RAD50: variants seen among roughly 807,000 people sequenced by gnomAD.
The protein encoded by RAD50 is DNA repair protein RAD50.
RAD50 carries 132 observed loss-of-function variants against 168.8 expected under a neutral mutation model. The ratio of observed to expected loss-of-function variants is 0.78; its 90% CI spans 0.68 to 0.90. The LOEUF (loss-of-function observed/expected upper bound fraction) is 0.90, where lower values mean the gene tolerates loss of function less well. RAD50 is among the 40% of genes least tolerant of loss of function. The probability of loss-of-function intolerance (pLI) is 0.00; values close to 1 mark genes in which losing one functional copy is unlikely to be tolerated. For missense variants in RAD50, 1,347 were observed against 1,534.4 expected (o/e 0.88, Z 2.04); for synonymous variants, 525 against 497.4 (o/e 1.06, Z -0.74).
chr5:132,571,914 T>C (rs535663887), intron 2 of RAD50, among the ~76,000 whole-genome samples: 151 of 152,314 alleles, frequency 9.9e-4, no homozygotes, highest in Non-Finnish European at 1.7e-3. Context: ...TAATGGTCTG[T>C]ACTTTTCAAA....
chr5:132,611,734 C>CA lies in RAD50; in HGVS notation c.3036+2340dup, dbSNP rs755103539. 4.2e-3 allele frequency among the ~76,000 whole-genome samples: 580 copies of CA among 137,678 alleles called. 4 individuals carry two copies. Among genetic ancestry groups the CA allele is most frequent in the Non-Finnish European group, 6.4e-3 (412 of 64,450 alleles). 90.3% of individuals were successfully genotyped at this position (137,678 alleles called of 152,430 possible). On this transcript the variant is annotated intron_variant, in intron 19 of 24. Transcript: ENST00000378823. Reference sequence around the variant, plus strand: ...AAAAAAAAAAAAAAAAAAAAAGTCACAATTAGTCAAGATTCACATTGTGTC... The same window carrying CA: ...AAAAAAAAAAAAAAAAAAAAAGTCACAAATTAGTCAAGATTCACATTGTGTC...
chr5:132,588,999 A>G, intron 8 of RAD50, 119 bp downstream of exon 8: 1 of 1,104,084 alleles, frequency 9.1e-7, no homozygotes, highest in Non-Finnish European at 1.3e-6. Flanking sequence ...TTAGGATAAA[A>G]TCTGCTACAA....
chr5:132,596,101 C>A (rs1363141674), intron 13 of RAD50, among the ~76,000 whole-genome samples: 1 of 151,916 alleles, frequency 6.6e-6, no homozygotes, highest in Non-Finnish European at 1.5e-5. Context: ...AGAAGCGATT[C>A]CCATGCCTCA....
chr5:132,590,617 C>T (rs1249959509), intron 9 of RAD50, among the ~76,000 whole-genome samples: 1 of 152,164 alleles, frequency 6.6e-6, no homozygotes. Context: ...TCAGGTATTT[C>T]CATATTTTCT....
At chr5:132,615,333 A>G (rs1239772653) in intron 19 of RAD50, among the ~76,000 whole-genome samples, 1 of 152,162 alleles carries the variant, frequency 6.6e-6, no homozygotes, top group Non-Finnish European at 1.5e-5. Context: ...TTGAAATTTC[A>G]TTTCGGTGGC....
intron 19 of RAD50, among the ~76,000 whole-genome samples, chr5:132,614,660 A>T (rs1396057303): frequency 6.6e-6 from 1 of 151,978 alleles, no homozygotes; most frequent in African/African-American, 2.4e-5. Context: ...TTTATATTGT[A>T]TTATTTTAAA....
At chr5:132,595,289 TA>T (rs1750770007) in intron 12 of RAD50, 2 of 577,356 alleles carry the variant, frequency 3.5e-6, no homozygotes, top group Admixed American at 6.2e-5. Context: ...AATGAGATTG[TA>T]ATTATAAAGC....
chr5:132,579,413 C>A lies in RAD50; in HGVS notation c.462C>A (p.Val154=). ...TTTCCAAGGCTGTGCTAAATAATGT[C>A]ATTTTCTGTCATCAAGAAGATTCTA... ...LGVSKAVLNN[V]IFCHQEDSNW... is the part of the protein sequence containing the mutation. The change falls in exon 4 of 25, where the codon GTC becomes GTA. Residue 154 remains valine, a synonymous_variant. Coordinates refer to ENST00000378823, the MANE Select transcript of RAD50 (RefSeq NM_005732.4). 6.2e-7 allele frequency: 1 copy of A among 1,613,618 alleles called. No homozygotes were observed. Among genetic ancestry groups the A allele is most frequent in the Non-Finnish European group, 8.5e-7 (1 of 1,179,634 alleles).
rs570678046 is a variant in RAD50, at chr5:132,633,139, C to T, written c.3390-3976C>T. Reference sequence around the variant, plus strand: ...TTTTTGAGACAGAGTCTAGCTCTGTCGTCCAGGCTGGAGTGCAGTGGCACA... The same window carrying T: ...TTTTTGAGACAGAGTCTAGCTCTGTTGTCCAGGCTGGAGTGCAGTGGCACA... On this transcript the variant is annotated intron_variant, in intron 21 of 24. Transcript: ENST00000378823. Among the ~76,000 whole-genome samples the T allele has an allele frequency of 5.6e-5, 7 of 124,900 alleles. No homozygotes were observed. In the East Asian group the frequency reaches 1.4e-3, roughly 26 times the overall value. 81.9% of individuals were successfully genotyped at this position (124,900 alleles called of 152,430 possible).
intron 21 of RAD50, among the ~76,000 whole-genome samples, chr5:132,622,020 G>C (rs1405751252): frequency 6.6e-6 from 1 of 151,762 alleles, no homozygotes; most frequent in Non-Finnish European, 1.5e-5. Flanking sequence ...AACCCCTCTT[G>C]CATATACTGG....
In RAD50 at chr5:132,563,216, G is replaced by T. The variant is rs139964707; in HGVS notation, c.213+3849G>T. ...ATACTAGAGCATTTGTAGACTGTTG[G>T]GAATGACTCTGGACAGAAACATTGA... is the stretch of plus-strand genomic sequence containing the variant. On this transcript the variant is annotated intron_variant, in intron 2 of 24. Coordinates refer to ENST00000378823, the MANE Select transcript of RAD50 (RefSeq NM_005732.4). Among the ~76,000 whole-genome samples the T allele has an allele frequency of 9.2e-5, 14 of 152,262 alleles. No individual in the cohort carries two copies. In the East Asian group the frequency reaches 2.7e-3, roughly 29 times the overall value.
intron 3 of RAD50, among the ~76,000 whole-genome samples, chr5:132,578,204 C>T (rs192384572): frequency 1.3e-5 from 2 of 152,220 alleles, no homozygotes; most frequent in African/African-American, 2.4e-5. Flanking sequence ...TGACCTCCCC[C>T]CTTAAAAAAC....
chr5:132,639,320 TC>T (rs1394068019), intron 23 of RAD50, among the ~76,000 whole-genome samples: 1 of 139,198 alleles, frequency 7.2e-6, no homozygotes, highest in Non-Finnish European at 1.5e-5. Context: ...GCCATTGCAC[TC>T]CAGCCCAGGC....
In RAD50 at chr5:132,603,373, A is replaced by T. The variant is rs1750921919; in HGVS notation, c.2281A>T (p.Ile761Leu). The change falls in exon 14 of 25, where the codon ATA becomes TTA. Residue 761 changes from isoleucine to leucine, a missense_variant. By Grantham distance (5) the Ile-to-Leu change is conservative. This residue lies in a region of RAD50 where 635 missense variants were observed against 739.2 expected (regional missense o/e 0.86). Transcript: ENST00000378823. ...RNKLQNVNRDIQRLKNDIEEQ... is the reference protein window; with the variant it reads ...RNKLQNVNRDLQRLKNDIEEQ... ...CAAACTGCAGAATGTCAATAGAGAC[A>T]TACAGCGCCTAAAGAACGACATAGA... 1 of 1,613,754 alleles carries T rather than the reference A, an allele frequency of 6.2e-7. No homozygotes were observed. Among genetic ancestry groups the T allele is most frequent in the Non-Finnish European group, 8.5e-7 (1 of 1,179,816 alleles).
chr5:132,609,957 C>A (rs1751056340), intron 19 of RAD50, among the ~76,000 whole-genome samples: 1 of 151,954 alleles, frequency 6.6e-6, no homozygotes, highest in African/African-American at 2.4e-5. Context: ...TTAACTGTTA[C>A]ACTTATTTGT....
Position 132,592,025 on chromosome 5 carries a change from C to T in RAD50, c.1784C>T (p.Ala595Val). ...KEINQTRDRL[A>V]KLNKELASSE... is the part of the protein sequence containing the mutation. ...ATTAATCAGACCAGGGACAGACTTG[C>T]CAAATTGAAGTAAGTTGCAACATTT... The change falls in exon 11 of 25, where the codon GCC becomes GTC. Residue 595 changes from alanine to valine, a missense_variant. Ala to Val is a moderately conservative substitution (Grantham distance 64). This residue lies in a region of RAD50 where 703 missense variants were observed against 767.7 expected (regional missense o/e 0.92). Transcript: ENST00000378823. The T allele has an allele frequency of 1.2e-6, 2 of 1,611,844 alleles. No homozygotes were observed. The highest frequency in any genetic ancestry group is 1.7e-6 in the Non-Finnish European group (2 of 1,178,386).
At chr5:132,611,411 CAG>C (rs1430811886) in intron 19 of RAD50, among the ~76,000 whole-genome samples, 2 of 139,784 alleles carry the variant, frequency 1.4e-5, no homozygotes, top group African/African-American at 5.3e-5. Flanking sequence ...AACAAACAAA[CAG>C]AAACAAAAAC....
intron 11 of RAD50, among the ~76,000 whole-genome samples, 171 bp downstream of exon 11, chr5:132,592,205 A>C (rs1326401174): frequency 2.6e-5 from 4 of 152,212 alleles, no homozygotes; most frequent in African/African-American, 9.6e-5. Flanking sequence ...TAAAAGATAA[A>C]AATTTTAAAT....
At chr5:132,574,998 T>C (rs1750368220) in intron 2 of RAD50, among the ~76,000 whole-genome samples, 1 of 152,206 alleles carries the variant, frequency 6.6e-6, no homozygotes, top group African/African-American at 2.4e-5. Context: ...TTTTCCTCTC[T>C]TCTGAGCCTT....
Sources: allele counts gnomAD v4.1 joint callset (sites outside exome capture counted in the v4.1 genomes callset), GRCh38; gene constraint gnomAD v4.1.1; regional missense constraint gnomAD v4.1.1; transcripts MANE v1.5; gene names NCBI Gene and HGNC (gene_info 2026-07-23, HGNC 2026-07-21).